SH3PXD2B: variants seen among roughly 807,000 people sequenced by gnomAD.
The protein encoded by SH3PXD2B is SH3 and PX domain-containing protein 2B.
Under a neutral mutation model 73.1 loss-of-function variants are expected in SH3PXD2B, and 37 were observed. The observed-to-expected ratio is 0.51, with a 90% CI of 0.39 to 0.67. The LOEUF is 0.67. Ranked by LOEUF, SH3PXD2B falls within the 30% of genes least tolerant of loss-of-function variation. The pLI is 0.00. For missense variants in SH3PXD2B, 1,053 were observed against 1,197.8 expected, an observed-to-expected ratio of 0.88 and a Z score of 1.78; for synonymous variants, 457 against 480.5, an observed-to-expected ratio of 0.95 and a Z score of 0.64.
At chr5:172,327,697 T>G (rs1364715024) in intron 12 of SH3PXD2B, among the ~76,000 whole-genome samples, 2 of 151,466 alleles carry the variant, frequency 1.3e-5, no homozygotes, top group Non-Finnish European at 2.9e-5. Flanking sequence ...CAAGGGACCC[T>G]CCTGTCTCAG....
rs1425559604 is a variant in SH3PXD2B at position 172,335,626 on chromosome 5, C to T, written c.*2743G>A. ...AGCCCGGTGCTTGGCACCATTGTCA[C>T]GATGGGCCTGGACACTTTCTAGAGC... is the stretch of plus-strand genomic sequence containing the variant. On this transcript the variant is annotated 3_prime_UTR_variant, in exon 13 of 13. Transcript: ENST00000311601. The T allele has an allele frequency of 4.1e-6, 5 of 1,231,724 alleles. No individual in the cohort carries two copies. Among genetic ancestry groups the T allele is most frequent in the Admixed American group, 4.2e-5 (1 of 23,706 alleles). 76.3% of individuals were successfully genotyped at this position (1,231,724 alleles called of 1,614,324 possible). A position where few individuals can be genotyped will look rare whatever the true frequency, so the allele number is the denominator to read the frequency against.
chr5:172,410,572 A>T (rs1365355753), intron 2 of SH3PXD2B, among the ~76,000 whole-genome samples: 1 of 152,190 alleles, frequency 6.6e-6, no homozygotes, highest in Non-Finnish European at 1.5e-5. Flanking sequence ...CTTTCCAGTC[A>T]ATTTTTCTGA....
At chr5:172,392,932 T>C (rs1375295456) in intron 4 of SH3PXD2B, among the ~76,000 whole-genome samples, 1 of 152,246 alleles carries the variant, frequency 6.6e-6, no homozygotes, top group Non-Finnish European at 1.5e-5. Flanking sequence ...TCTACATGCC[T>C]ATTTTTGTCA....
intron 12 of SH3PXD2B, among the ~76,000 whole-genome samples, chr5:172,345,382 T>C (rs946181933): frequency 1.3e-5 from 2 of 152,092 alleles, no homozygotes; most frequent in Admixed American, 1.3e-4. Context: ...CCAGGAGCAT[T>C]TTATTTGTTG....
At position 172,338,046 on chromosome 5, in the gene SH3PXD2B, GGTCTTGGAGA is replaced by G. The variant is rs1021610943; in HGVS notation, c.*313_*322del. The G allele has an allele frequency of 2.1e-5, 27 of 1,275,420 alleles. No homozygotes were observed. The highest frequency in any genetic ancestry group is 3.4e-5 in the Admixed American group (1 of 29,126). 79.0% of individuals were successfully genotyped at this position (1,275,420 alleles called of 1,614,324 possible). A position where few individuals can be genotyped will look rare whatever the true frequency, so the allele number is the denominator to read the frequency against. On this transcript the variant is annotated 3_prime_UTR_variant, in exon 13 of 13. Coordinates refer to ENST00000311601, the MANE Select transcript of SH3PXD2B (RefSeq NM_001017995.3). This position sits in a 1 kb window ranked among gnomAD's most constrained non-coding sequence, Gnocchi z 5.1. ...CCAGGCAATGGGATCCAGTCCTGGAGGTCTTGGAGAGTCTTGGTCCCACTGCTGGGTGGCA... is the reference window on the plus strand; with the variant it reads ...CCAGGCAATGGGATCCAGTCCTGGAGGTCTTGGTCCCACTGCTGGGTGGCA...
chr5:172,398,158 A>G (rs6556024), intron 3 of SH3PXD2B, among the ~76,000 whole-genome samples: 72,968 of 152,168 alleles, frequency 0.48, 18,492 homozygotes, highest in East Asian at 0.69. Flanking sequence ...GATGGTAACC[A>G]ATTTAAGGGC....
At chr5:172,453,414 C>G (rs1388371816) in intron 1 of SH3PXD2B, among the ~76,000 whole-genome samples, 1 of 152,106 alleles carries the variant, frequency 6.6e-6, no homozygotes, top group Non-Finnish European at 1.5e-5. Flanking sequence ...GCGAGGTGGT[C>G]CCAGGGCCTC....
At chr5:172,391,116 C>G (rs953729863) in intron 4 of SH3PXD2B, among the ~76,000 whole-genome samples, 1 of 152,180 alleles carries the variant, frequency 6.6e-6, no homozygotes, top group Non-Finnish European at 1.5e-5. Flanking sequence ...ACTGGGATTA[C>G]AGCCGTGAGC....
downstream of SH3PXD2B, among the ~76,000 whole-genome samples, chr5:172,328,744 G>A (rs1756492175): frequency 1.3e-5 from 2 of 152,062 alleles, no homozygotes; most frequent in African/African-American, 4.8e-5. Context: ...TAGGGGCCCA[G>A]TGGAATATGC....
intron 2 of SH3PXD2B, among the ~76,000 whole-genome samples, chr5:172,409,018 G>C (rs1206358219): frequency 6.6e-6 from 1 of 152,094 alleles, no homozygotes; most frequent in African/African-American, 2.4e-5. Context: ...AATATTCAAT[G>C]TTTTCTTTCC....
Position 172,335,148 on chromosome 5 carries a change from C to T in SH3PXD2B, c.*3221G>A, listed in dbSNP as rs1328625672. ...GAGGTGGTCTTAGACTCAGGGTTTT[C>T]CAAATTTTTGGAGGTACCGCAAGCT... On this transcript the variant is annotated 3_prime_UTR_variant, in exon 13 of 13. Coordinates refer to ENST00000311601, the MANE Select transcript of SH3PXD2B (RefSeq NM_001017995.3). 1.0e-6 allele frequency: 1 copy of T among 988,542 alleles called. No homozygotes were observed. Among genetic ancestry groups the T allele is most frequent in the African/African-American group, 1.7e-5 (1 of 57,336 alleles). 61.2% of individuals were successfully genotyped at this position (988,542 alleles called of 1,614,324 possible).
At chr5:172,360,774 G>C (rs1489395357) in intron 7 of SH3PXD2B, among the ~76,000 whole-genome samples, 2 of 152,216 alleles carry the variant, frequency 1.3e-5, no homozygotes, top group African/African-American at 2.4e-5. Context: ...GGAGGCTGCA[G>C]TGAGCCAAGA....
chr5:172,408,944 A>G (rs1384297098), intron 2 of SH3PXD2B, among the ~76,000 whole-genome samples: 1 of 152,230 alleles, frequency 6.6e-6, no homozygotes, highest in Non-Finnish European at 1.5e-5. Flanking sequence ...CATAATATGT[A>G]GTGATCAGAT....
At position 172,335,309 on chromosome 5, in the gene SH3PXD2B, A is replaced by G. The variant is rs930314052; in HGVS notation, c.*3060T>C. 2.1e-5 allele frequency: 25 copies of G among 1,168,650 alleles called. No individual in the cohort carries two copies. The highest frequency in any genetic ancestry group is 2.6e-5 in the Non-Finnish European group (25 of 948,778). The allele number at this position is 1,168,650 out of a possible 1,614,324, so 72.4% of individuals were successfully genotyped here. On this transcript the variant is annotated 3_prime_UTR_variant, in exon 13 of 13. Transcript: ENST00000311601. ...CTGTGACCTACTGAAATGTGTGAGC[A>G]AGGGGCGGGGGGAAGAGGCACCGAA...
chr5:172,357,185 A>G (rs961172764), intron 8 of SH3PXD2B, among the ~76,000 whole-genome samples: 38 of 149,692 alleles, frequency 2.5e-4, no homozygotes, highest in African/African-American at 9.1e-4. Context: ...GCATTTTGAG[A>G]GGCCAAGGTG....
At chr5:172,443,029 G>T (rs1239171916) in intron 1 of SH3PXD2B, among the ~76,000 whole-genome samples, 2 of 152,158 alleles carry the variant, frequency 1.3e-5, no homozygotes, top group African/African-American at 4.8e-5. Context: ...GATTTAAAAT[G>T]AGTAAAACAC....
chr5:172,391,976 T>A (rs569835402), intron 4 of SH3PXD2B, among the ~76,000 whole-genome samples: 1 of 152,310 alleles, frequency 6.6e-6, no homozygotes, highest in African/African-American at 2.4e-5. Flanking sequence ...TGATCCACTT[T>A]GAGTTGATTT....
At chr5:172,328,346 C>T (rs552199669) in intron 12 of SH3PXD2B, among the ~76,000 whole-genome samples, 127 of 152,092 alleles carry the variant, frequency 8.4e-4, no homozygotes, top group South Asian at 5.0e-3. Flanking sequence ...CCTCATGATC[C>T]GTCTGCCTCG....
In SH3PXD2B at chr5:172,335,665, G is replaced by C. The variant is rs781498032; in HGVS notation, c.*2704C>G. The C allele has an allele frequency of 2.4e-6, 3 of 1,231,770 alleles. No individual in the cohort carries two copies. Among genetic ancestry groups the C allele is most frequent in the Non-Finnish European group, 3.0e-6 (3 of 987,992 alleles). The allele number at this position is 1,231,770 out of a possible 1,614,324, so 76.3% of individuals were successfully genotyped here. A position where few individuals can be genotyped will look rare whatever the true frequency, so the allele number is the denominator to read the frequency against. Reference sequence around the variant, plus strand: ...ACTTTCTAGAGCCATGACTCCAGGGGAGTTCTGCATATGCGCCATCAATCG... The same window carrying C: ...ACTTTCTAGAGCCATGACTCCAGGGCAGTTCTGCATATGCGCCATCAATCG... On this transcript the variant is annotated 3_prime_UTR_variant, in exon 13 of 13. Transcript: ENST00000311601.
Sources: allele counts gnomAD v4.1 joint callset (sites outside exome capture counted in the v4.1 genomes callset), GRCh38; gene constraint gnomAD v4.1.1; non-coding constraint Gnocchi (gnomAD v3.1); transcripts MANE v1.5; gene names NCBI Gene and HGNC (gene_info 2026-07-23, HGNC 2026-07-21).